ANKRD42: variants seen among roughly 807,000 people sequenced by gnomAD.
ANKRD42 encodes the protein ankyrin repeat domain-containing protein 42.
In ANKRD42, 43 loss-of-function variants were observed where a neutral mutation model predicts 51.5. That is an observed-to-expected ratio of 0.83 (90% CI 0.65 to 1.08). ANKRD42 has a LOEUF of 1.08. Among genes scored for constraint, ANKRD42 ranks in the 50% least tolerant of loss-of-function variants. ANKRD42 has a pLI of 0.00. For missense variants in ANKRD42, 608 were observed against 629.3 expected (o/e 0.97, Z 0.36); for synonymous variants, 203 against 213.0 (o/e 0.95, Z 0.41).
intron 1 of ANKRD42, among the ~76,000 whole-genome samples, chr11:83,196,398 AGTGTGTGT>A (rs145815586): frequency 3.4e-4 from 43 of 124,802 alleles, no homozygotes; most frequent in East Asian, 1.4e-3. Context: ...AGTGTGTGAG[AGTGTGTGT>A]GTGTGTGTGT....
downstream of ANKRD42, among the ~76,000 whole-genome samples, chr11:83,252,602 C>T (rs1225851837): frequency 1.3e-5 from 2 of 152,116 alleles, no homozygotes; most frequent in Non-Finnish European, 1.5e-5. Flanking sequence ...TGAAAGAACA[C>T]ATACCGTGTG....
At chr11:83,255,754 A>AT (rs913941012) in intron 11 of ANKRD42, 1,159 of 920,504 alleles carry the variant, frequency 1.3e-3, no homozygotes, top group Non-Finnish European at 1.4e-3. Context: ...AGCATGGTTA[A>AT]TTTTTTTTTC....
intron 6 of ANKRD42, among the ~76,000 whole-genome samples, 167 bp downstream of exon 6, chr11:83,225,222 A>G (rs1862840765): frequency 6.6e-6 from 1 of 152,198 alleles, no homozygotes. Flanking sequence ...TTTATTACAT[A>G]TCGTTGTCTA....
chr11:83,230,245 GTT>G (rs993759033), intron 7 of ANKRD42, among the ~76,000 whole-genome samples: 38 of 152,230 alleles, frequency 2.5e-4, no homozygotes, highest in South Asian at 2.1e-4. Flanking sequence ...TAGAGACAGA[GTT>G]TTGCCATGTT....
chr11:83,227,764 C>A lies in ANKRD42; in HGVS notation c.805C>A (p.His269Asn). ...ATTCATAGCTTTAGCATTTCCAGGTCATGTGGCTGCCTTTAAGGGTGATTT... is the reference window on the plus strand; with the variant it reads ...ATTCATAGCTTTAGCATTTCCAGGTAATGTGGCTGCCTTTAAGGGTGATTT... ...EDQETLAFPG[H>N]VAAFKGDLGM... Residue 269 changes from histidine to asparagine, a missense_variant, in exon 7 of 11, where the codon CAT becomes AAT. His to Asn is a moderately conservative substitution (Grantham distance 68). Transcript: ENST00000533342. 2 of 1,611,118 alleles carry A rather than the reference C, an allele frequency of 1.2e-6. No homozygotes were observed. The highest frequency in any genetic ancestry group is 2.2e-5 in the South Asian group (2 of 90,366).
Position 83,209,669 on chromosome 11 carries a change from T to G in ANKRD42, c.331-631T>G, listed in dbSNP as rs9667507. ...GCAAGCTGCTTTTCAGCCTCAAGCT[T>G]TACACAGCTGTCCTTACTTCCTAAC... On this transcript the variant is annotated intron_variant, in intron 3 of 10. Transcript: ENST00000533342. 5,111 of 775,054 alleles carry G rather than the reference T, an allele frequency of 6.6e-3. 175 individuals are homozygous for G. The African/African-American group carries it at 0.076, about 11-fold the overall frequency. 48.0% of individuals were successfully genotyped at this position (775,054 alleles called of 1,614,324 possible). A position where few individuals can be genotyped will look rare whatever the true frequency, so the allele number is the denominator to read the frequency against.
intron 5 of ANKRD42, among the ~76,000 whole-genome samples, chr11:83,221,938 A>C (rs371260434): frequency 4.1e-4 from 63 of 152,330 alleles, no homozygotes; most frequent in African/African-American, 1.4e-3. Flanking sequence ...AGATAGGGAC[A>C]GGTCTTCTGC....
At chr11:83,260,096 G>C (rs1030597892), downstream of ANKRD42, 2 of 152,220 alleles carry the variant, frequency 1.3e-5, no homozygotes, top group African/African-American at 4.8e-5. Context: ...GGGCAGAGTG[G>C]ATAAGGGGAT....
chr11:83,257,030 T>C (rs192279798), downstream of ANKRD42, among the ~76,000 whole-genome samples: 32 of 152,312 alleles, frequency 2.1e-4, no homozygotes, highest in Non-Finnish European at 4.1e-4. Context: ...ACAACTGTTA[T>C]TACTATAGAT....
chr11:83,224,668 A>G (rs1440230455), intron 5 of ANKRD42, among the ~76,000 whole-genome samples, 187 bp from the exon 6 acceptor site: 2 of 152,080 alleles, frequency 1.3e-5, no homozygotes, highest in Admixed American at 6.6e-5. Context: ...CTGTACTCCC[A>G]GCTACTTGGG....
At chr11:83,198,357 C>G in intron 1 of ANKRD42, 122 bp from the exon 2 acceptor site, 1 of 978,684 alleles carries the variant, frequency 1.0e-6, no homozygotes, top group Non-Finnish European at 1.5e-6. Context: ...TGACAAACAT[C>G]TTTGTAGTAA....
intron 1 of ANKRD42, 46 bp from the exon 2 acceptor site, chr11:83,198,433 T>C (rs1861743420): frequency 6.5e-7 from 1 of 1,534,542 alleles, no homozygotes. Flanking sequence ...TTTTTTTTTC[T>C]TTCATAGTTT....
chr11:83,210,477 G>T, intron 4 of ANKRD42, 58 bp downstream of exon 4: 1 of 1,579,520 alleles, frequency 6.3e-7, no homozygotes, highest in Non-Finnish European at 8.6e-7. Flanking sequence ...AATAGCATTT[G>T]GTAGTCTAGT....
downstream of ANKRD42, among the ~76,000 whole-genome samples, chr11:83,251,939 G>T (rs958119768): frequency 6.6e-6 from 1 of 152,168 alleles, no homozygotes; most frequent in Admixed American, 6.5e-5. Context: ...GTTCATCAAA[G>T]ATTATATGAA....
At chr11:83,217,381 C>G (rs1036351870) in intron 5 of ANKRD42, among the ~76,000 whole-genome samples, 8 of 152,162 alleles carry the variant, frequency 5.3e-5, no homozygotes, top group African/African-American at 1.9e-4. Context: ...GACTTTTGGG[C>G]ATAACAAGAA....
intron 5 of ANKRD42, among the ~76,000 whole-genome samples, chr11:83,220,246 G>A (rs1862677538): frequency 6.6e-6 from 1 of 152,200 alleles, no homozygotes; most frequent in Admixed American, 6.5e-5. Context: ...AAGGGTCGGG[G>A]GTTGTTAGAG....
At chr11:83,258,346 CAAAAA>C (rs1045875116), downstream of ANKRD42, among the ~76,000 whole-genome samples, 1 of 143,360 alleles carries the variant, frequency 7.0e-6, no homozygotes, top group Admixed American at 6.9e-5. Flanking sequence ...GTTAATGAAA[CAAAAA>C]AAAAAGGTTA....
chr11:83,206,609 G>A (rs1445116244), intron 3 of ANKRD42, among the ~76,000 whole-genome samples: 1 of 152,206 alleles, frequency 6.6e-6, no homozygotes, highest in African/African-American at 2.4e-5. Context: ...TAGCTCTCTA[G>A]CCTCTTCCAC....
At chr11:83,243,078 T>A (rs1863441503) in intron 9 of ANKRD42, among the ~76,000 whole-genome samples, 1 of 152,198 alleles carries the variant, frequency 6.6e-6, no homozygotes, top group Non-Finnish European at 1.5e-5. Context: ...GTTGAACTAC[T>A]TTACACTCCC....
Sources: gnomAD v4.1 joint callset for allele counts (sites outside exome capture counted in the v4.1 genomes callset) on GRCh38, gnomAD v4.1.1 for gene constraint, MANE v1.5 for transcripts, NCBI Gene and HGNC (gene_info 2026-07-23, HGNC 2026-07-21) for gene names.